The following PHACTR3 variants were observed in gnomAD, a reference collection of about 807,000 sequenced individuals.
The protein encoded by PHACTR3 is protein phosphatase 1, regulatory subunit 123.
PHACTR3 carries 16 observed loss-of-function variants against 66.8 expected under a neutral mutation model. That is an observed-to-expected ratio of 0.24 (90% CI 0.16 to 0.36). The LOEUF is 0.36. PHACTR3 is among the 10% of genes least tolerant of loss of function. PHACTR3 has a pLI of 1.00. For missense variants in PHACTR3, 647 were observed against 719.9 expected, an observed-to-expected ratio of 0.90 and a Z score of 1.16; for synonymous variants, 323 against 292.1, an observed-to-expected ratio of 1.11 and a Z score of -1.08.
At chr20:59,840,229 A>G (rs1221006446) in intron 9 of PHACTR3, 140 bp from the exon 10 acceptor site, 1 of 1,352,424 alleles carries the variant, frequency 7.4e-7, no homozygotes, top group Non-Finnish European at 9.8e-7. Context: ...CAAAGTGGGA[A>G]GAAAACACCA....
chr20:59,649,252 G>T (rs1484410634), intron 1 of PHACTR3, among the ~76,000 whole-genome samples: 2 of 152,178 alleles, frequency 1.3e-5, no homozygotes, highest in Admixed American at 1.3e-4. Context: ...TATGGTAATG[G>T]TTAGGGCAAA....
intron 7 of PHACTR3, among the ~76,000 whole-genome samples, chr20:59,786,541 A>T (rs1257260906): frequency 6.6e-6 from 1 of 152,160 alleles, no homozygotes; most frequent in African/African-American, 2.4e-5. Context: ...AAACTTCAAC[A>T]GGTCAGGGTG....
intron 1 of PHACTR3, among the ~76,000 whole-genome samples, chr20:59,684,635 G>A (rs551015341): frequency 3.3e-4 from 50 of 152,294 alleles, no homozygotes; most frequent in African/African-American, 1.1e-3. Flanking sequence ...GATCTCTGAG[G>A]TCCTTCCTAC....
chr20:59,770,636 T>G (rs1443375245), intron 5 of PHACTR3, among the ~76,000 whole-genome samples: 1 of 152,204 alleles, frequency 6.6e-6, no homozygotes, highest in East Asian at 1.9e-4. Flanking sequence ...ATAGGCCAAA[T>G]TCCTGGACTT....
chr20:59,631,519 G>A (rs1452067205), intron 1 of PHACTR3, among the ~76,000 whole-genome samples: 1 of 152,094 alleles, frequency 6.6e-6, no homozygotes, highest in Non-Finnish European at 1.5e-5. Flanking sequence ...GTTTACAGGG[G>A]CCTTGACAGA....
chr20:59,656,286 A>C (rs1331954696), intron 1 of PHACTR3, among the ~76,000 whole-genome samples: 1 of 151,818 alleles, frequency 6.6e-6, no homozygotes, highest in Non-Finnish European at 1.5e-5. Context: ...TTTTCCCTTT[A>C]ACTCTATCAA....
At chr20:59,792,977 T>C (rs2146961212) in intron 7 of PHACTR3, among the ~76,000 whole-genome samples, 1 of 152,302 alleles carries the variant, frequency 6.6e-6, no homozygotes, top group African/African-American at 2.4e-5. Context: ...CTTGACCTCT[T>C]GGGCTCAAGT....
At chr20:59,815,320 C>T (rs750877008) in intron 8 of PHACTR3, among the ~76,000 whole-genome samples, 3 of 152,074 alleles carry the variant, frequency 2.0e-5, no homozygotes, top group Non-Finnish European at 2.9e-5. Context: ...ACTCATCATA[C>T]CCAGGATCGT....
intron 1 of PHACTR3, among the ~76,000 whole-genome samples, chr20:59,637,592 G>A (rs919590270): frequency 6.6e-6 from 1 of 151,886 alleles, no homozygotes; most frequent in African/African-American, 2.4e-5. Context: ...TCCTTAAATA[G>A]GATGACCTTG....
At chr20:59,601,934 C>T (rs1411529468), upstream of PHACTR3, among the ~76,000 whole-genome samples, 1 of 152,160 alleles carries the variant, frequency 6.6e-6, no homozygotes, top group East Asian at 1.9e-4. Context: ...GTTTTTAACC[C>T]TCATCCATAC....
At chr20:59,587,267 G>A (rs1009994861) in intron 1 of PHACTR3, among the ~76,000 whole-genome samples, 9 of 152,212 alleles carry the variant, frequency 5.9e-5, no homozygotes, top group African/African-American at 2.2e-4. Context: ...CCTTTCTTCC[G>A]AGGATCGTCT....
intron 1 of PHACTR3, among the ~76,000 whole-genome samples, chr20:59,702,135 A>G (rs1255536028): frequency 1.3e-5 from 2 of 152,074 alleles, no homozygotes; most frequent in Non-Finnish European, 2.9e-5. Context: ...GCTTCATCCC[A>G]TTTTTTGGCA....
At chr20:59,608,052 A>G (rs1049983165) in intron 1 of PHACTR3, among the ~76,000 whole-genome samples, 1 of 152,124 alleles carries the variant, frequency 6.6e-6, no homozygotes, top group Admixed American at 6.5e-5. Flanking sequence ...ACGAATTCAC[A>G]CTTTCCGTAA....
intron 5 of PHACTR3, among the ~76,000 whole-genome samples, chr20:59,771,540 G>T (rs2040361003): frequency 6.8e-6 from 1 of 146,936 alleles, no homozygotes; most frequent in Non-Finnish European, 1.5e-5. Flanking sequence ...ACCTCCCCCC[G>T]ACCAGCCCAG....
intron 7 of PHACTR3, 125 bp from the exon 8 acceptor site, chr20:59,805,916 C>T (rs2041551946): frequency 7.8e-6 from 8 of 1,031,632 alleles, no homozygotes; most frequent in Non-Finnish European, 1.2e-5. Context: ...TCAGTTCTAG[C>T]CACCATCACC....
chr20:59,610,033 TG>T (rs1161136595), intron 1 of PHACTR3, among the ~76,000 whole-genome samples: 1 of 152,186 alleles, frequency 6.6e-6, no homozygotes, highest in African/African-American at 2.4e-5. Flanking sequence ...GTGGGCAGAT[TG>T]CTTGAGCCCA....
rs2059176954 is a variant in PHACTR3, at chr20:59,847,681, A to G, written c.*551A>G. The stretch of plus-strand genomic sequence containing the variant: ...TTGATTCCTGTTAATTTTGTTCTTT[A>G]ATTAAATGACTACTTATTGCAGGAA... On this transcript the variant is annotated 3_prime_UTR_variant, in exon 13 of 13. Transcript: ENST00000371015. 6.6e-6 allele frequency: 1 copy of G among 152,652 alleles called. No individual in the cohort carries two copies. Among genetic ancestry groups the G allele is most frequent in the Non-Finnish European group, 1.5e-5 (1 of 68,040 alleles). The allele number at this position is 152,652 out of a possible 1,614,324, so 9.5% of individuals were successfully genotyped here. A position where few individuals can be genotyped will look rare whatever the true frequency, so the allele number is the denominator to read the frequency against.
chr20:59,759,203 G>A (rs370188621), intron 4 of PHACTR3, among the ~76,000 whole-genome samples: 30 of 152,302 alleles, frequency 2.0e-4, no homozygotes, highest in African/African-American at 6.7e-4. Flanking sequence ...CAGCCCTGCA[G>A]GCCTGGGATC....
At chr20:59,786,462 G>T (rs547367528) in intron 7 of PHACTR3, among the ~76,000 whole-genome samples, 1 of 152,214 alleles carries the variant, frequency 6.6e-6, no homozygotes, top group African/African-American at 2.4e-5. Context: ...AGATGAGCAG[G>T]TCCATCCACA....
Sources: gnomAD v4.1 joint callset for allele counts (sites outside exome capture counted in the v4.1 genomes callset) on GRCh38, gnomAD v4.1.1 for gene constraint, MANE v1.5 for transcripts, NCBI Gene and HGNC (gene_info 2026-07-23, HGNC 2026-07-21) for gene names.